The following FRMD4A variants were observed in gnomAD, a reference collection of about 807,000 sequenced individuals.
FRMD4A encodes FERM domain-containing protein 4A.
In FRMD4A, 29 loss-of-function variants were observed where a neutral mutation model predicts 129.1. The observed-to-expected ratio is 0.22, with a 90% CI of 0.17 to 0.31. FRMD4A has a LOEUF of 0.31. FRMD4A is among the 10% of genes least tolerant of loss of function. The pLI is 1.00. For missense variants in FRMD4A, 1,272 were observed against 1,375.8 expected (o/e 0.92, Z 1.19); for synonymous variants, 634 against 571.6 (o/e 1.11, Z -1.56).
chr10:13,705,562 A>T (rs1347591788), intron 13 of FRMD4A, among the ~76,000 whole-genome samples: 2 of 152,074 alleles, frequency 1.3e-5, no homozygotes, highest in Non-Finnish European at 2.9e-5. Context: ...CTCTTTCTGT[A>T]CTTAAATTTC....
intron 3 of FRMD4A, among the ~76,000 whole-genome samples, chr10:13,814,580 CAAAAAAAAAAAAA>C (rs553044764): frequency 4.8e-5 from 2 of 41,388 alleles, no homozygotes; most frequent in Non-Finnish European, 8.7e-5. Flanking sequence ...GACCCTGTTT[CAAAAAAAAAAAAA>C]AAAAAAAAAA....
intron 2 of FRMD4A, among the ~76,000 whole-genome samples, chr10:13,896,486 A>G (rs1269692954): frequency 2.0e-5 from 3 of 152,178 alleles, no homozygotes; most frequent in Non-Finnish European, 4.4e-5. Flanking sequence ...ACATGGACAC[A>G]GGGAGGGGAA....
At chr10:14,207,546 T>C (rs1280476516) in intron 2 of FRMD4A, among the ~76,000 whole-genome samples, 1 of 152,292 alleles carries the variant, frequency 6.6e-6, no homozygotes, top group Middle Eastern at 3.4e-3. Context: ...TCTTTTTGTC[T>C]GTAAAATGTA....
At chr10:13,798,692 G>T (rs959179025) in intron 4 of FRMD4A, among the ~76,000 whole-genome samples, 2 of 152,214 alleles carry the variant, frequency 1.3e-5, no homozygotes, top group African/African-American at 4.8e-5. Flanking sequence ...ACTCCAGCCT[G>T]GGTGACAGAG....
In FRMD4A at chr10:13,913,189, C is replaced by T. The variant is rs76243352; in HGVS notation, c.46-54277G>A. Reference sequence around the variant, plus strand: ...CTGAAACAAATCACTTACAAAAGACCACATATTGTCTGAGTCCACTGATAT... The same window carrying T: ...CTGAAACAAATCACTTACAAAAGACTACATATTGTCTGAGTCCACTGATAT... On this transcript the variant is annotated intron_variant, in intron 2 of 24. Coordinates refer to ENST00000357447, the MANE Select transcript of FRMD4A (RefSeq NM_018027.5). 0.012 allele frequency among the ~76,000 whole-genome samples: 1,866 copies of T among 151,978 alleles called. 90 individuals are homozygous for T. The East Asian group carries it at 0.17, about 14-fold the overall frequency.
intron 2 of FRMD4A, among the ~76,000 whole-genome samples, chr10:14,316,188 G>T (rs566027118): frequency 1.3e-5 from 2 of 152,188 alleles, no homozygotes; most frequent in Non-Finnish European, 2.9e-5. Flanking sequence ...CAGGTGTTGT[G>T]GTTTGAATAT....
intron 2 of FRMD4A, among the ~76,000 whole-genome samples, chr10:14,307,281 G>T (rs149408342): frequency 1.1e-4 from 17 of 152,330 alleles, no homozygotes; most frequent in African/African-American, 4.1e-4. Context: ...CTGCAGGAAG[G>T]CTCAGGGCCT....
chr10:14,326,559 T>C, intron 2 of FRMD4A: 1 of 309,270 alleles, frequency 3.2e-6, no homozygotes, highest in Non-Finnish European at 5.9e-6. Flanking sequence ...ATTTGCATTA[T>C]TTATTATCCA....
chr10:14,164,351 C>T (rs1171451592), intron 2 of FRMD4A, among the ~76,000 whole-genome samples: 3 of 152,174 alleles, frequency 2.0e-5, no homozygotes, highest in Non-Finnish European at 4.4e-5. Flanking sequence ...AGCCCTGTGC[C>T]GGGTCCCTGT....
rs780481442 is a variant in FRMD4A at position 13,847,242 on chromosome 10, C to T, written c.111+11605G>A. Among the ~76,000 whole-genome samples the T allele has an allele frequency of 5.7e-4, 87 of 152,242 alleles. 1 individual carries two copies. The highest frequency in any genetic ancestry group is 1.2e-3 in the African/African-American group (51 of 41,546). Reference sequence around the variant, plus strand: ...CAGTCACAAAGACCTAGTGGGCGGCCCCAGGGGTGGGACAGGGGCTCTGGC... The same window carrying T: ...CAGTCACAAAGACCTAGTGGGCGGCTCCAGGGGTGGGACAGGGGCTCTGGC... On this transcript the variant is annotated intron_variant, in intron 3 of 24. Coordinates refer to ENST00000357447, the MANE Select transcript of FRMD4A (RefSeq NM_018027.5).
At chr10:13,907,940 C>T (rs1049771712) in intron 2 of FRMD4A, among the ~76,000 whole-genome samples, 4 of 150,802 alleles carry the variant, frequency 2.7e-5, no homozygotes, top group Admixed American at 1.3e-4. Context: ...CCGAGGCAGG[C>T]GGATCACCTG....
At chr10:13,891,165 A>G (rs2094691032) in intron 2 of FRMD4A, among the ~76,000 whole-genome samples, 1 of 152,022 alleles carries the variant, frequency 6.6e-6, no homozygotes, top group Non-Finnish European at 1.5e-5. Flanking sequence ...TGCTGCAGCC[A>G]TTTGGAACGT....
intron 2 of FRMD4A, among the ~76,000 whole-genome samples, chr10:14,178,554 G>A (rs1428065555): frequency 6.6e-6 from 1 of 152,030 alleles, no homozygotes; most frequent in Non-Finnish European, 1.5e-5. Flanking sequence ...GGGTGAAGGG[G>A]GCAGGAAGAG....
intron 2 of FRMD4A, among the ~76,000 whole-genome samples, chr10:14,195,416 G>C (rs1013206018): frequency 2.8e-5 from 4 of 144,868 alleles, no homozygotes; most frequent in African/African-American, 1.0e-4. Context: ...TGTCTCCCCT[G>C]TGTTTTCTTT....
chr10:13,686,965 C>T (rs1434555789), intron 15 of FRMD4A, among the ~76,000 whole-genome samples: 1 of 152,186 alleles, frequency 6.6e-6, no homozygotes, highest in Non-Finnish European at 1.5e-5. Flanking sequence ...CAAAAACTAA[C>T]TCTCCTAACT....
At chr10:14,241,471 T>G (rs958571421) in intron 2 of FRMD4A, among the ~76,000 whole-genome samples, 2 of 152,022 alleles carry the variant, frequency 1.3e-5, no homozygotes, top group Non-Finnish European at 2.9e-5. Context: ...CCATTTGGCA[T>G]GAAAGAGGTG....
At chr10:13,819,482 C>A (rs182979969) in intron 3 of FRMD4A, among the ~76,000 whole-genome samples, 255 of 152,204 alleles carry the variant, frequency 1.7e-3, no homozygotes, top group Non-Finnish European at 7.5e-4. Context: ...TCAACACAGG[C>A]AGCTTAGTCA....
chr10:14,032,436 A>G (rs1279505318), intron 2 of FRMD4A, among the ~76,000 whole-genome samples: 1 of 152,238 alleles, frequency 6.6e-6, no homozygotes, highest in Non-Finnish European at 1.5e-5. Flanking sequence ...TTCCTGAAAC[A>G]TGAATAGTTC....
chr10:14,120,306 G>T (rs1249864352), intron 2 of FRMD4A, among the ~76,000 whole-genome samples: 3 of 151,482 alleles, frequency 2.0e-5, no homozygotes, highest in African/African-American at 7.3e-5. Context: ...TCTTTCTTAG[G>T]TCTAAACTCA....
Sources: allele counts gnomAD v4.1 joint callset (sites outside exome capture counted in the v4.1 genomes callset), GRCh38; gene constraint gnomAD v4.1.1; transcripts MANE v1.5; gene names NCBI Gene and HGNC (gene_info 2026-07-23, HGNC 2026-07-21).